Variants in ADAMTSL1 observed in about 807,000 individuals in gnomAD.
ADAMTSL1 encodes the protein ADAMTS like 1, also known as ADAMTS-like protein 1.
Under a neutral mutation model 201.8 loss-of-function variants are expected in ADAMTSL1, and 126 were observed. The ratio of observed to expected loss-of-function variants is 0.62; its 90% CI spans 0.54 to 0.72. The LOEUF is 0.72. Among genes scored for constraint, ADAMTSL1 ranks in the 30% least tolerant of loss-of-function variants. The pLI, the probability that ADAMTSL1 is intolerant of heterozygous loss-of-function variation, is 0.00. For missense variants in ADAMTSL1, 2,679 were observed against 2,277.8 expected (o/e 1.18, Z -3.59); for synonymous variants, 1,121 against 903.4 (o/e 1.24, Z -4.32).
At chr9:18,123,029 G>C (rs567308435) in intron 1 of ADAMTSL1, among the ~76,000 whole-genome samples, 2 of 152,148 alleles carry the variant, frequency 1.3e-5, no homozygotes, top group Non-Finnish European at 2.9e-5. Flanking sequence ...ATGAGCTACT[G>C]TGCCCAGTCT....
chr9:18,174,701 A>G (rs1426752083), intron 2 of ADAMTSL1, among the ~76,000 whole-genome samples: 1 of 152,178 alleles, frequency 6.6e-6, no homozygotes, highest in Non-Finnish European at 1.5e-5. Context: ...GACCAACTGA[A>G]GTAAAACACT....
chr9:18,411,195 T>C (rs1818428359), intron 2 of ADAMTSL1, among the ~76,000 whole-genome samples: 1 of 140,502 alleles, frequency 7.1e-6, no homozygotes, highest in African/African-American at 2.9e-5. Context: ...TATTTATTTA[T>C]TTTTATTTAT....
intron 2 of ADAMTSL1, among the ~76,000 whole-genome samples, chr9:18,399,421 C>CCTCCGCCT (rs989453363): frequency 1.3e-5 from 2 of 150,256 alleles, no homozygotes; most frequent in Non-Finnish European, 3.0e-5. Flanking sequence ...CTCACTGCAA[C>CCTCCGCCT]CTCCGCCTCC....
intron 1 of ADAMTSL1, among the ~76,000 whole-genome samples, chr9:17,981,641 T>A (rs991752954): frequency 3.3e-5 from 5 of 152,180 alleles, no homozygotes; most frequent in Admixed American, 2.6e-4. Flanking sequence ...GCCATTCCCT[T>A]TAGAAACCTT....
chr9:18,649,427 G>C (rs957054998), intron 7 of ADAMTSL1, among the ~76,000 whole-genome samples: 5 of 152,200 alleles, frequency 3.3e-5, no homozygotes, highest in African/African-American at 9.7e-5. Context: ...TCCGTTGCTG[G>C]TGAGGAGCTG....
At chr9:18,689,675 T>G (rs150837176) in intron 13 of ADAMTSL1, among the ~76,000 whole-genome samples, 1 of 152,326 alleles carries the variant, frequency 6.6e-6, no homozygotes, top group African/African-American at 2.4e-5. Flanking sequence ...TCAGTTGCCG[T>G]AGTTCTTCAA....
chr9:18,160,378 G>A lies in ADAMTSL1; in HGVS notation c.88-3484G>A, dbSNP rs1054660858. 3.9e-5 allele frequency among the ~76,000 whole-genome samples: 6 copies of A among 152,088 alleles called. No individual in the cohort carries two copies. In the South Asian group the frequency reaches 1.0e-3, roughly 26 times the overall value. On this transcript the variant is annotated intron_variant, in intron 1 of 29. Coordinates refer to the ADAMTSL1 transcript ENST00000680146. ...AATAATGGGGGTTGAATCCGGAAGA[G>A]ATTTAAGTTTTTAAGAGATACTCTC...
chr9:18,184,111 T>A (rs1343955027), intron 2 of ADAMTSL1, among the ~76,000 whole-genome samples: 1 of 152,204 alleles, frequency 6.6e-6, no homozygotes, highest in Non-Finnish European at 1.5e-5. Context: ...GTGACAAGCA[T>A]TTCATTTTCT....
chr9:18,158,258 G>C lies in ADAMTSL1; in HGVS notation c.88-5604G>C, dbSNP rs188478641. Among the ~76,000 whole-genome samples, 48 of 151,892 alleles carry C rather than the reference G, an allele frequency of 3.2e-4. 1 individual carries two copies. In the East Asian group the frequency reaches 7.4e-3, roughly 23 times the overall value. On this transcript the variant is annotated intron_variant, in intron 1 of 29. Coordinates refer to the ADAMTSL1 transcript ENST00000680146. ...GAGATATTATAAATATCATTATTTT[G>C]GTACATATTCTTATAAACCTCCAGA...
chr9:18,159,900 CAGTGACTT>C (rs1430569617), intron 1 of ADAMTSL1, among the ~76,000 whole-genome samples: 1 of 151,992 alleles, frequency 6.6e-6, no homozygotes, highest in Non-Finnish European at 1.5e-5. Context: ...TCTTGTTATT[CAGTGACTT>C]TTGTTTTTAT....
At chr9:17,915,923 C>T (rs958014963) in intron 1 of ADAMTSL1, among the ~76,000 whole-genome samples, 2 of 151,954 alleles carry the variant, frequency 1.3e-5, no homozygotes, top group Non-Finnish European at 2.9e-5. Flanking sequence ...TACATTCTGG[C>T]TGTGAATTTT....
chr9:18,796,613 C>T (rs1415207742), intron 20 of ADAMTSL1: 2 of 152,242 alleles, frequency 1.3e-5, no homozygotes, highest in Non-Finnish European at 2.9e-5. Context: ...TGACTTCAGG[C>T]TGATCTGGGA....
At chr9:17,949,164 C>T (rs992512925) in intron 1 of ADAMTSL1, among the ~76,000 whole-genome samples, 3 of 152,164 alleles carry the variant, frequency 2.0e-5, no homozygotes, top group Admixed American at 6.5e-5. Flanking sequence ...AAAGCCTCCA[C>T]GTGTATGTTG....
At chr9:18,898,433 A>T (rs1462583532) in intron 26 of ADAMTSL1, among the ~76,000 whole-genome samples, 1 of 152,234 alleles carries the variant, frequency 6.6e-6, no homozygotes, top group Non-Finnish European at 1.5e-5. Flanking sequence ...CTTGATGACT[A>T]TCTTTCTGAA....
intron 23 of ADAMTSL1, among the ~76,000 whole-genome samples, chr9:18,869,933 A>AT (rs1162425881): frequency 2.0e-5 from 3 of 151,574 alleles, no homozygotes; most frequent in African/African-American, 7.3e-5. Flanking sequence ...TTAGACCTCA[A>AT]TTTTTTTTCA....
chr9:18,280,114 C>A (rs1322948411), intron 2 of ADAMTSL1, among the ~76,000 whole-genome samples: 1 of 152,006 alleles, frequency 6.6e-6, no homozygotes, highest in African/African-American at 2.4e-5. Flanking sequence ...TAGTCTGGAG[C>A]CTGGGTCCAT....
intron 2 of ADAMTSL1, among the ~76,000 whole-genome samples, chr9:18,256,020 T>C (rs1342872239): frequency 6.6e-6 from 1 of 152,234 alleles, no homozygotes; most frequent in African/African-American, 2.4e-5. Context: ...TCTTTGGCAA[T>C]CTTCCTTGTT....
chr9:18,885,648 T>A (rs1366791138), intron 23 of ADAMTSL1, among the ~76,000 whole-genome samples: 1 of 152,134 alleles, frequency 6.6e-6, no homozygotes, highest in East Asian at 1.9e-4. Flanking sequence ...CTACATCCCA[T>A]ACTGAGCTTC....
At chr9:18,867,552 T>A (rs185657177) in intron 23 of ADAMTSL1, among the ~76,000 whole-genome samples, 1 of 152,338 alleles carries the variant, frequency 6.6e-6, no homozygotes, top group East Asian at 1.9e-4. Flanking sequence ...CATTCTTATT[T>A]CATTTGTACT....
Sources: allele counts gnomAD v4.1 joint callset (sites outside exome capture counted in the v4.1 genomes callset), GRCh38; gene constraint gnomAD v4.1.1; transcripts MANE v1.5; gene names NCBI Gene and HGNC (gene_info 2026-07-23, HGNC 2026-07-21).